Variants in MMRN1 observed in about 807,000 individuals in gnomAD.
MMRN1 encodes multimerin 1, also known as multimerin-1.
MMRN1 carries 94 observed loss-of-function variants against 100.7 expected under a neutral mutation model. That is an observed-to-expected ratio of 0.93 (90% confidence interval 0.79 to 1.11). The LOEUF (loss-of-function observed/expected upper bound fraction) is 1.11. MMRN1 is among the 50% of genes least tolerant of loss of function. MMRN1 has a pLI of 0.00. For missense variants in MMRN1, 1,606 were observed against 1,439.1 expected (o/e 1.12, Z -1.88); for synonymous variants, 575 against 505.0 (o/e 1.14, Z -1.86).
intron 4 of MMRN1, among the ~76,000 whole-genome samples, chr4:89,924,685 T>TA (rs1311898889): frequency 3.3e-5 from 5 of 150,662 alleles, no homozygotes; most frequent in South Asian, 2.1e-4. Context: ...TCTACTAAAA[T>TA]AAAAAAAAAT....
intron 1 of MMRN1, among the ~76,000 whole-genome samples, chr4:89,900,895 T>C (rs573907817): frequency 3.3e-5 from 5 of 152,084 alleles, no homozygotes; most frequent in African/African-American, 1.2e-4. Context: ...ATGCCAACAA[T>C]ACAGTCTTAA....
chr4:89,919,373 T>G (rs1290881984), intron 3 of MMRN1, among the ~76,000 whole-genome samples: 1 of 151,592 alleles, frequency 6.6e-6, no homozygotes, highest in Non-Finnish European at 1.5e-5. Context: ...TCTTCATGAT[T>G]CATGGTTGCA....
chr4:89,910,464 T>A (rs920467720), intron 2 of MMRN1, among the ~76,000 whole-genome samples: 1 of 151,476 alleles, frequency 6.6e-6, no homozygotes, highest in Non-Finnish European at 1.5e-5. Flanking sequence ...TTATGCCTTC[T>A]GAGTGGGTGC....
At chr4:89,892,487 T>C (rs1252536791), upstream of MMRN1, among the ~76,000 whole-genome samples, 1 of 151,816 alleles carries the variant, frequency 6.6e-6, no homozygotes, top group African/African-American at 2.4e-5. Flanking sequence ...TTAATTAGTC[T>C]CAGAAAGAAG....
intron 5 of MMRN1, 147 bp downstream of exon 5, chr4:89,928,115 C>A: frequency 1.8e-6 from 1 of 566,668 alleles, no homozygotes; most frequent in Non-Finnish European, 3.0e-6. Context: ...GATATAAATT[C>A]ACTAAAATTC....
chr4:89,904,125 GTTA>G (rs140851701), intron 1 of MMRN1, among the ~76,000 whole-genome samples: 4 of 151,414 alleles, frequency 2.6e-5, no homozygotes, highest in Non-Finnish European at 5.9e-5. Flanking sequence ...CCCCTTTCCT[GTTA>G]TTTTGTCCTA....
intron 4 of MMRN1, among the ~76,000 whole-genome samples, chr4:89,925,718 T>C (rs1031583296): frequency 6.6e-6 from 1 of 151,980 alleles, no homozygotes; most frequent in Admixed American, 6.5e-5. Context: ...TAGTCCCAGC[T>C]ACTGGGAAGG....
At chr4:89,939,602 G>T (rs1339483071) in intron 6 of MMRN1, among the ~76,000 whole-genome samples, 1 of 152,020 alleles carries the variant, frequency 6.6e-6, no homozygotes, top group East Asian at 1.9e-4. Flanking sequence ...CCTGCCTAAG[G>T]TCATTCAACT....
At chr4:89,906,839 T>TCTG (rs1328916372) in intron 1 of MMRN1, among the ~76,000 whole-genome samples, 4 of 151,506 alleles carry the variant, frequency 2.6e-5, no homozygotes, top group East Asian at 3.9e-4. Flanking sequence ...AGTCTGCTGA[T>TCTG]CTGCTTCTTT....
At chr4:89,952,896 C>G in intron 7 of MMRN1, 101 bp from the exon 8 acceptor site, 1 of 1,203,592 alleles carries the variant, frequency 8.3e-7, no homozygotes, top group South Asian at 1.6e-5. Context: ...TTCTCTTCTG[C>G]TAAGACTTTT....
At chr4:89,903,851 A>G (rs72659403) in intron 1 of MMRN1, among the ~76,000 whole-genome samples, 25,883 of 147,398 alleles carry the variant, frequency 0.18, 3,862 homozygotes, top group African/African-American at 0.4. Flanking sequence ...GCTTATGCAG[A>G]TGTGCCCACT....
At chr4:89,928,303 TA>T (rs1578489397) in intron 5 of MMRN1, among the ~76,000 whole-genome samples, 1 of 152,196 alleles carries the variant, frequency 6.6e-6, no homozygotes, top group East Asian at 1.9e-4. Flanking sequence ...AAAACGCAGT[TA>T]GGGGATCAAG....
chr4:89,936,261 C>G lies in MMRN1; in HGVS notation c.2581C>G (p.Arg861Gly). ...TTKISKNFET[R>G]LQDIESKVTQ... ...CAAGATTTCCAAAAATTTTGAGACT[C>G]GGTTGCAAGACATTGAGTCTAAAGT... is the stretch of plus-strand genomic sequence containing the variant. The change falls in exon 6 of 8, where the codon CGG becomes GGG. Residue 861 changes from arginine to glycine, a missense_variant. Coordinates refer to ENST00000264790, the MANE Select transcript of MMRN1 (RefSeq NM_007351.3). The G allele has an allele frequency of 1.2e-6, 2 of 1,604,680 alleles. No homozygotes were observed. The highest frequency in any genetic ancestry group is 3.3e-4 in the Middle Eastern group (2 of 5,986).
intron 1 of MMRN1, among the ~76,000 whole-genome samples, chr4:89,908,178 C>G (rs769669080): frequency 6.6e-6 from 1 of 151,290 alleles, no homozygotes; most frequent in Non-Finnish European, 1.5e-5. Flanking sequence ...TGTTCCCAGG[C>G]ACAAAACTAG....
intron 1 of MMRN1, among the ~76,000 whole-genome samples, chr4:89,903,909 A>AAC (rs1553922388): frequency 4.0e-5 from 6 of 150,834 alleles, no homozygotes; most frequent in Non-Finnish European, 7.4e-5. Context: ...AAAAAAAAAA[A>AAC]AAAACTCTAG....
chr4:89,923,045 T>C, intron 3 of MMRN1, 123 bp from the exon 4 acceptor site: 1 of 764,754 alleles, frequency 1.3e-6, no homozygotes. Context: ...TCTGCAATCA[T>C]CCCCGACCAT....
At chr4:89,890,668 T>C (rs1721036182), upstream of MMRN1, among the ~76,000 whole-genome samples, 1 of 152,148 alleles carries the variant, frequency 6.6e-6, no homozygotes, top group African/African-American at 2.4e-5. Flanking sequence ...TATGGTTATT[T>C]CTAAAATGAT....
In MMRN1 at chr4:89,895,091, T is replaced by G. The variant is rs1258950152; in HGVS notation, c.120T>G (p.Pro40=). ...PEDGNSQKTM[P]SASVPPNKIQ... is the part of the protein sequence containing the mutation. Reference sequence around the variant, plus strand: ...ATGGGAACTCTCAGAAGACTATGCCTTCTGCTTCAGTTCCTCCAAATAAAA... The same window carrying G: ...ATGGGAACTCTCAGAAGACTATGCCGTCTGCTTCAGTTCCTCCAAATAAAA... Residue 40 remains proline, a synonymous_variant, in exon 1 of 8, where the codon CCT becomes CCG. Transcript: ENST00000264790. 6 of 1,613,952 alleles carry G rather than the reference T, an allele frequency of 3.7e-6. No individual in the cohort carries two copies. Among genetic ancestry groups the G allele is most frequent in the Non-Finnish European group, 5.1e-6 (6 of 1,179,912 alleles).
chr4:89,925,428 G>T (rs890606732), intron 4 of MMRN1, among the ~76,000 whole-genome samples: 1 of 145,676 alleles, frequency 6.9e-6, no homozygotes, highest in East Asian at 2.0e-4. Flanking sequence ...GACTACAGCC[G>T]TGAGCCACTG....
Sources: allele counts gnomAD v4.1 joint callset (sites outside exome capture counted in the v4.1 genomes callset), GRCh38; gene constraint gnomAD v4.1.1; transcripts MANE v1.5; gene names NCBI Gene and HGNC (gene_info 2026-07-23, HGNC 2026-07-21).